ERC1: variants seen among roughly 807,000 people sequenced by gnomAD.
ERC1 encodes the protein ELKS/RAB6-interacting/CAST family member 1, also known as RAB6 interacting protein 2.
In ERC1, 56 loss-of-function variants were observed where a neutral mutation model predicts 132.0. The observed-to-expected ratio is 0.42, with a 90% CI of 0.34 to 0.53. ERC1 has a LOEUF of 0.53. ERC1 is among the 20% of genes least tolerant of loss of function. ERC1 has a pLI of 0.03. For missense variants in ERC1, 1,202 were observed against 1,349.9 expected (o/e 0.89, Z 1.72); for synonymous variants, 478 against 476.1 (o/e 1.00, Z -0.05).
chr12:1,236,690 C>A, intron 12 of ERC1, 79 bp from the exon 13 acceptor site: 1 of 1,371,970 alleles, frequency 7.3e-7, no homozygotes, highest in Non-Finnish European at 9.8e-7. Flanking sequence ...CTTATTGTCA[C>A]TGGTGTAAGT....
chr12:1,415,421 T>A (rs911484611), intron 17 of ERC1, among the ~76,000 whole-genome samples: 1 of 152,260 alleles, frequency 6.6e-6, no homozygotes, highest in Non-Finnish European at 1.5e-5. Flanking sequence ...GACTTTTCTT[T>A]TTCATTAGAG....
chr12:1,343,677 C>G (rs892194195), intron 15 of ERC1, among the ~76,000 whole-genome samples: 1 of 152,122 alleles, frequency 6.6e-6, no homozygotes, highest in African/African-American at 2.4e-5. Flanking sequence ...ACTTCTCACC[C>G]AAGTCTTAGA....
intron 15 of ERC1, among the ~76,000 whole-genome samples, chr12:1,312,804 T>A (rs1349839918): frequency 6.6e-6 from 1 of 152,240 alleles, no homozygotes; most frequent in East Asian, 1.9e-4. Context: ...ATTTCTTTCA[T>A]GAGTTGAGCT....
At chr12:1,367,193 A>G (rs909614857) in intron 15 of ERC1, among the ~76,000 whole-genome samples, 6 of 152,212 alleles carry the variant, frequency 3.9e-5, no homozygotes, top group Non-Finnish European at 8.8e-5. Flanking sequence ...AGCAGAATCA[A>G]AGGTTTATTT....
chr12:1,266,811 T>G (rs56720558), intron 14 of ERC1, among the ~76,000 whole-genome samples: 5,563 of 152,260 alleles, frequency 0.037, 353 homozygotes, highest in African/African-American at 0.13. Flanking sequence ...AAATGAGGCT[T>G]TTTTGTTTAG....
chr12:1,057,391 G>C (rs1006241104), intron 2 of ERC1, among the ~76,000 whole-genome samples: 1 of 152,044 alleles, frequency 6.6e-6, no homozygotes, highest in South Asian at 2.1e-4. Flanking sequence ...CCTGGAAAGC[G>C]CTGGGCTTAC....
chr12:1,136,033 T>A (rs1949216314), intron 7 of ERC1, among the ~76,000 whole-genome samples: 1 of 152,196 alleles, frequency 6.6e-6, no homozygotes, highest in Non-Finnish European at 1.5e-5. Flanking sequence ...ACACCAAAAA[T>A]AAGGTTCTTA....
intron 16 of ERC1, among the ~76,000 whole-genome samples, chr12:1,407,920 G>GTAA (rs2091607780): frequency 6.6e-6 from 1 of 152,114 alleles, no homozygotes; most frequent in African/African-American, 2.4e-5. Context: ...TCTGGGTATG[G>GTAA]TAACGTTGGG....
chr12:1,349,270 A>T (rs1349061690), intron 15 of ERC1, among the ~76,000 whole-genome samples: 1 of 152,188 alleles, frequency 6.6e-6, no homozygotes, highest in Non-Finnish European at 1.5e-5. Context: ...TATGTGACTG[A>T]CCTTTGGCTT....
At chr12:1,403,153 T>G (rs951194753) in intron 16 of ERC1, among the ~76,000 whole-genome samples, 1 of 152,194 alleles carries the variant, frequency 6.6e-6, no homozygotes, top group African/African-American at 2.4e-5. Context: ...CCTGGAGATA[T>G]ACATTGATAG....
At chr12:1,132,898 C>T (rs1321112582) in intron 7 of ERC1, among the ~76,000 whole-genome samples, 3 of 151,634 alleles carry the variant, frequency 2.0e-5, no homozygotes, top group Non-Finnish European at 2.9e-5. Flanking sequence ...TCTTGTCACC[C>T]AGGCTGGAGT....
intron 12 of ERC1, among the ~76,000 whole-genome samples, chr12:1,196,806 T>TTCTCTCTCTCTC (rs755412381): frequency 0.011 from 990 of 90,320 alleles, 74 homozygotes; most frequent in African/African-American, 0.013. Context: ...CGCACGCTAT[T>TTCTCTCTCTCTC]TCTCTCTCTC....
intron 2 of ERC1, among the ~76,000 whole-genome samples, chr12:1,069,307 A>T (rs1471860099): frequency 6.6e-6 from 1 of 152,198 alleles, no homozygotes; most frequent in Non-Finnish European, 1.5e-5. Context: ...TGCATGGTGT[A>T]CTTAGCTGTA....
At chr12:1,059,546 G>A (rs1334351562) in intron 2 of ERC1, among the ~76,000 whole-genome samples, 5 of 152,168 alleles carry the variant, frequency 3.3e-5, no homozygotes, top group Non-Finnish European at 2.9e-5. Flanking sequence ...TATCAGGAAG[G>A]TATGTTGAAT....
intron 14 of ERC1, among the ~76,000 whole-genome samples, chr12:1,265,444 G>A (rs6489276): frequency 0.42 from 63,163 of 151,950 alleles, 13,752 homozygotes; most frequent in African/African-American, 0.54. Flanking sequence ...TTTTAGGTTT[G>A]CAGAAAAATT....
rs548787545 is a variant in ERC1 at position 1,490,754 on chromosome 12, CTCT to C, written c.*529_*531del. 6.5e-4 allele frequency: 152 copies of C among 234,378 alleles called. 1 individual carries two copies. Among genetic ancestry groups the C allele is most frequent in the African/African-American group, 3.0e-3 (137 of 45,472 alleles). 14.5% of individuals were successfully genotyped at this position (234,378 alleles called of 1,614,324 possible). On this transcript the variant is annotated 3_prime_UTR_variant, in exon 19 of 19. Transcript: ENST00000360905. The stretch of plus-strand genomic sequence containing the variant: ...AGGGGGGAAGGGAAGAGAAAATCGA[CTCT>C]TCTTTTTACTGTCTCTTCTGCTTAC...
chr12:1,477,692 C>A (rs1457697944), intron 18 of ERC1, among the ~76,000 whole-genome samples: 1 of 152,092 alleles, frequency 6.6e-6, no homozygotes, highest in African/African-American at 2.4e-5. Flanking sequence ...CTGAATTACA[C>A]ACTCATATAG....
chr12:990,395 C>T (rs1187370352), upstream of ERC1: 3 of 152,160 alleles, frequency 2.0e-5, no homozygotes, highest in African/African-American at 7.2e-5. Context: ...CCAAAGCCGG[C>T]TGCGAGTCTG....
intron 8 of ERC1, among the ~76,000 whole-genome samples, chr12:1,175,513 G>T: frequency 6.7e-6 from 1 of 149,272 alleles, no homozygotes; most frequent in Admixed American, 6.7e-5. Flanking sequence ...TCATTCAGAA[G>T]AAGCAGCTCC....
Sources: allele counts gnomAD v4.1 joint callset (sites outside exome capture counted in the v4.1 genomes callset), GRCh38; gene constraint gnomAD v4.1.1; transcripts MANE v1.5; gene names NCBI Gene and HGNC (gene_info 2026-07-23, HGNC 2026-07-21).